The following PRKAR1A variants were observed in gnomAD, a reference collection of about 807,000 sequenced individuals.
PRKAR1A encodes the protein protein kinase cAMP-dependent type I regulatory subunit alpha, also known as cAMP-dependent protein kinase type I-alpha regulatory subunit.
A neutral mutation model predicts 52.0 loss-of-function variants in PRKAR1A; 3 were observed. The ratio of observed to expected loss-of-function variants is 0.06; its 90% CI spans 0.03 to 0.15. PRKAR1A has a LOEUF of 0.15. PRKAR1A is among the 10% of genes least tolerant of loss of function. The pLI is 1.00. For synonymous variants in PRKAR1A, 188 were observed against 168.4 expected, an observed-to-expected ratio of 1.12 and a Z score of -0.90; for missense variants, 240 against 477.4, an observed-to-expected ratio of 0.50 and a Z score of 4.63.
At chr17:68,525,001 A>G in intron 6 of PRKAR1A, 43 bp downstream of exon 6, 1 of 1,491,692 alleles carries the variant, frequency 6.7e-7, no homozygotes, top group Non-Finnish European at 9.4e-7. Flanking sequence ...CTTAAAAGCC[A>G]ATGTATTGAT....
the PRKAR1A span, among the ~76,000 whole-genome samples, chr17:68,492,139 C>T: frequency 1.3e-5 from 2 of 152,200 alleles, no homozygotes; most frequent in African/African-American, 2.4e-5. Context: ...ATGTGGCATT[C>T]GAAGTGAAAG....
chr17:68,455,005 T>G, the PRKAR1A span, among the ~76,000 whole-genome samples: 1 of 152,166 alleles, frequency 6.6e-6, no homozygotes, highest in African/African-American at 2.4e-5. Flanking sequence ...GAAACAAAAT[T>G]CTAATCACCA....
chr17:68,435,649 C>A, the PRKAR1A span: 1 of 1,614,230 alleles, frequency 6.2e-7, no homozygotes, highest in Non-Finnish European at 8.5e-7. Flanking sequence ...AGTTTGGAGC[C>A]TGAGGCATTG....
the PRKAR1A span, chr17:68,457,504 G>T: frequency 8.2e-7 from 1 of 1,212,348 alleles, no homozygotes; most frequent in East Asian, 3.5e-5. Context: ...CACGGGCCGG[G>T]TCGCCGGTCC....
rs1247811407 is a variant in PRKAR1A, at chr17:68,530,883, T to C, written c.*434T>C. 2.6e-6 allele frequency: 3 copies of C among 1,137,606 alleles called. No homozygotes were observed. The highest frequency in any genetic ancestry group is 2.2e-6 in the Non-Finnish European group (2 of 921,780). The allele number at this position is 1,137,606 out of a possible 1,614,324, so 70.5% of individuals were successfully genotyped here. On this transcript the variant is annotated 3_prime_UTR_variant, in exon 11 of 11. Coordinates refer to ENST00000589228, the MANE Select transcript of PRKAR1A (RefSeq NM_002734.5). Reference sequence around the variant, plus strand: ...CTGTATTTCTTTGTAGAATAAATGGTTTCTCATTAAACTCTAAAGATTAGG... The same window carrying C: ...CTGTATTTCTTTGTAGAATAAATGGCTTCTCATTAAACTCTAAAGATTAGG...
chr17:68,458,119 A>G, the PRKAR1A span, among the ~76,000 whole-genome samples: 3 of 152,254 alleles, frequency 2.0e-5, no homozygotes, highest in Non-Finnish European at 4.4e-5. Flanking sequence ...AGCTCCTGAA[A>G]TGGGGCTGCC....
chr17:68,535,604 G>A, downstream of PRKAR1A: 2 of 454,034 alleles, frequency 4.4e-6, no homozygotes, highest in Non-Finnish European at 4.4e-6. Flanking sequence ...CTGCAGTAGG[G>A]CCACAACAGT....
downstream of PRKAR1A, among the ~76,000 whole-genome samples, chr17:68,533,617 C>T (rs577892515): frequency 2.3e-4 from 35 of 152,262 alleles, no homozygotes; most frequent in Admixed American, 2.1e-3. Flanking sequence ...ACCTTTTGTA[C>T]TTATGTTAGG....
At chr17:68,520,168 A>G (rs1409737065) in intron 2 of PRKAR1A, among the ~76,000 whole-genome samples, 1 of 152,206 alleles carries the variant, frequency 6.6e-6, no homozygotes, top group Non-Finnish European at 1.5e-5. Context: ...GACAGAGCCA[A>G]ACCACACAGG....
chr17:68,524,250 C>CA, intron 5 of PRKAR1A, 173 bp downstream of exon 5: 1 of 642,386 alleles, frequency 1.6e-6, no homozygotes, highest in Non-Finnish European at 2.7e-6. Context: ...CTGAGATGGA[C>CA]AGAACACTTT....
the PRKAR1A span, among the ~76,000 whole-genome samples, chr17:68,466,938 C>G: frequency 6.6e-6 from 1 of 152,218 alleles, no homozygotes; most frequent in Non-Finnish European, 1.5e-5. Context: ...CCTCCCCAAG[C>G]CCTTGGCAAT....
the PRKAR1A span, chr17:68,430,140 G>A: frequency 9.9e-6 from 16 of 1,613,580 alleles, no homozygotes; most frequent in Non-Finnish European, 1.2e-5. Context: ...GCCACTCCAG[G>A]TCGAAGGCTC....
the PRKAR1A span, among the ~76,000 whole-genome samples, chr17:68,456,265 T>G: frequency 6.6e-6 from 1 of 152,224 alleles, no homozygotes; most frequent in Non-Finnish European, 1.5e-5. Flanking sequence ...CCGGGTGTTT[T>G]TAAACAGAAA....
At chr17:68,487,630 A>G in the PRKAR1A span, among the ~76,000 whole-genome samples, 1 of 152,050 alleles carries the variant, frequency 6.6e-6, no homozygotes, top group African/African-American at 2.4e-5. Flanking sequence ...GTGAAACCCC[A>G]TCTTTACTAA....
the PRKAR1A span, chr17:68,420,269 A>G: frequency 6.2e-7 from 1 of 1,614,136 alleles, no homozygotes; most frequent in South Asian, 1.1e-5. Flanking sequence ...GGAAGACGAT[A>G]CCGCAGAAGC....
intron 11 of PRKAR1A, among the ~76,000 whole-genome samples, chr17:68,545,092 G>A (rs1279496474): frequency 2.0e-5 from 3 of 152,028 alleles, no homozygotes; most frequent in African/African-American, 2.4e-5. Flanking sequence ...AATGGTGTTC[G>A]CCTTAAATTA....
At chr17:68,518,739 T>C (rs929643347) in intron 2 of PRKAR1A, among the ~76,000 whole-genome samples, 7 of 152,400 alleles carry the variant, frequency 4.6e-5, no homozygotes, top group Middle Eastern at 3.4e-3. Context: ...TTGTTACTTA[T>C]GTGAATTTCT....
the PRKAR1A span, among the ~76,000 whole-genome samples, chr17:68,425,256 T>C: frequency 6.6e-6 from 1 of 152,164 alleles, no homozygotes; most frequent in Non-Finnish European, 1.5e-5. Context: ...TAGGCTGGAG[T>C]GCAGTGGCAC....
At chr17:68,453,465 T>C in the PRKAR1A span, among the ~76,000 whole-genome samples, 1 of 151,788 alleles carries the variant, frequency 6.6e-6, no homozygotes, top group Admixed American at 6.6e-5. Context: ...GAAACATGCT[T>C]TGCTTTTCTT....
Sources: gnomAD v4.1 joint callset for allele counts (sites outside exome capture counted in the v4.1 genomes callset) on GRCh38, gnomAD v4.1.1 for gene constraint, MANE v1.5 for transcripts, NCBI Gene and HGNC (gene_info 2026-07-23, HGNC 2026-07-21) for gene names.